The following EVI2A variants were observed in gnomAD, a reference collection of about 807,000 sequenced individuals.
EVI2A encodes protein EVI2A.
Under a neutral mutation model 13.0 loss-of-function variants are expected in EVI2A, and 11 were observed. That is an observed-to-expected ratio of 0.85 (90% CI 0.53 to 1.40). The LOEUF (loss-of-function observed/expected upper bound fraction) is 1.40, where lower values mean the gene tolerates loss of function less well. Ranked by LOEUF, EVI2A falls within the 40% of genes most tolerant of loss-of-function variation. EVI2A has a pLI of 0.00. For synonymous variants in EVI2A, 89 were observed against 98.0 expected, an observed-to-expected ratio of 0.91 and a Z score of 0.54; for missense variants, 267 against 279.5, an observed-to-expected ratio of 0.96 and a Z score of 0.32.
chr17:31,319,091 G>A lies in EVI2A; in HGVS notation c.-10-68C>T. On this transcript the variant is annotated intron_variant, in intron 1 of 1. Coordinates refer to ENST00000462804, the MANE Select transcript of EVI2A (RefSeq NM_014210.4). ...ATGGATCCTAGTTTTGGTAATTGTAGTTAAAAGATAGTGTTGAGATGTTAC... is the reference window on the plus strand; with the variant it reads ...ATGGATCCTAGTTTTGGTAATTGTAATTAAAAGATAGTGTTGAGATGTTAC... 8.8e-6 allele frequency: 13 copies of A among 1,472,356 alleles called. 1 individual carries two copies. In the South Asian group the frequency reaches 1.7e-4, roughly 20 times the overall value. 91.2% of individuals were successfully genotyped at this position (1,472,356 alleles called of 1,614,324 possible).
chr17:31,319,650 G>A (rs867167276), intron 1 of EVI2A, among the ~76,000 whole-genome samples: 14 of 151,124 alleles, frequency 9.3e-5, no homozygotes, highest in Admixed American at 5.9e-4. Flanking sequence ...ATTTGTGAAC[G>A]CAATTTTACT....
rs116486312 is a variant in EVI2A, at chr17:31,316,795, C to T, written c.*1508G>A. Among the ~76,000 whole-genome samples the T allele has an allele frequency of 4.0e-3, 602 of 152,156 alleles. 3 individuals are homozygous for T. Among genetic ancestry groups the T allele is most frequent in the African/African-American group, 0.014 (572 of 41,526 alleles). The stretch of plus-strand genomic sequence containing the variant: ...CTGGAATAATATTGTTATGATTTCT[C>T]GTTTAGAGAATAGATTTGTTTTTTA... On this transcript the variant is annotated 3_prime_UTR_variant, in exon 2 of 2. Coordinates refer to ENST00000462804, the MANE Select transcript of EVI2A (RefSeq NM_014210.4).
rs1036371915 is a variant in EVI2A, at chr17:31,321,583, T to C, written c.-99A>G. On this transcript the variant is annotated 5_prime_UTR_variant, in exon 1 of 2. Transcript: ENST00000462804. ...TCTTCTTTTTAAAGCAGAATAGACTTGGAGAATATGAGCCTTAAAGTAAAT... is the reference window on the plus strand; with the variant it reads ...TCTTCTTTTTAAAGCAGAATAGACTCGGAGAATATGAGCCTTAAAGTAAAT... The C allele has an allele frequency of 6.6e-6, 1 of 152,300 alleles. No individual in the cohort carries two copies. Among genetic ancestry groups the C allele is most frequent in the African/African-American group, 2.4e-5 (1 of 41,574 alleles). 9.4% of individuals were successfully genotyped at this position (152,300 alleles called of 1,614,324 possible).
Position 31,317,973 on chromosome 17 carries a change from T to A in EVI2A, c.*330A>T, listed in dbSNP as rs2151525895. ...AAGTTTAATTACATTCAGACAAAGA[T>A]CATCTAACCACTGTTGCTACATAGG... On this transcript the variant is annotated 3_prime_UTR_variant, in exon 2 of 2. Transcript: ENST00000462804. The A allele has an allele frequency of 4.1e-6, 1 of 244,176 alleles. No individual in the cohort carries two copies. Among genetic ancestry groups the A allele is most frequent in the African/African-American group, 2.3e-5 (1 of 43,642 alleles). The allele number at this position is 244,176 out of a possible 1,614,324, so 15.1% of individuals were successfully genotyped here.
At chr17:31,320,379 AGTATAG>A in intron 1 of EVI2A, 1 of 1,601,814 alleles carries the variant, frequency 6.2e-7, no homozygotes, top group Non-Finnish European at 8.5e-7. Context: ...TTACCTAGCT[AGTATAG>A]GTAGGGCCTG....
At position 31,316,934 on chromosome 17, in the gene EVI2A, C is replaced by T. The variant is rs1027573612; in HGVS notation, c.*1369G>A. Among the ~76,000 whole-genome samples, 19 of 152,006 alleles carry T rather than the reference C, an allele frequency of 1.2e-4. No homozygotes were observed. Among genetic ancestry groups the T allele is most frequent in the East Asian group, 1.9e-4 (1 of 5,186 alleles). On this transcript the variant is annotated 3_prime_UTR_variant, in exon 2 of 2. Transcript: ENST00000462804. ...AGAGCAGTTATCACCTTGAGAGTTACGTAAAAATTACCAATGCTTAGAGTT... is the reference window on the plus strand; with the variant it reads ...AGAGCAGTTATCACCTTGAGAGTTATGTAAAAATTACCAATGCTTAGAGTT...
At position 31,318,552 on chromosome 17, in the gene EVI2A, T is replaced by C. The variant is rs1426834457; in HGVS notation, c.462A>G (p.Leu154=). The C allele has an allele frequency of 6.2e-7, 1 of 1,613,984 alleles. No homozygotes were observed. Among genetic ancestry groups the C allele is most frequent in the African/African-American group, 1.3e-5 (1 of 74,922 alleles). The change falls in exon 2 of 2, where the codon CTA becomes CTG. Residue 154 remains leucine, a synonymous_variant. Coordinates refer to ENST00000462804, the MANE Select transcript of EVI2A (RefSeq NM_014210.4). ...VLFLICTFLF[L]STVVLANKVS... ...CTTTGTTTGCCAAAACCACAGTTGATAGAAATAGAAAGGTACAGATAAGAA... is the reference window on the plus strand; with the variant it reads ...CTTTGTTTGCCAAAACCACAGTTGACAGAAATAGAAAGGTACAGATAAGAA...
chr17:31,319,419 C>T (rs532528164), intron 1 of EVI2A, among the ~76,000 whole-genome samples: 5 of 151,792 alleles, frequency 3.3e-5, no homozygotes, highest in African/African-American at 1.2e-4. Flanking sequence ...AACTACCCAC[C>T]CTCTAACCTG....
Position 31,317,369 on chromosome 17 carries a change from A to ACG in EVI2A, c.*933_*934insCG, listed in dbSNP as rs66803216. ...GAAGTATGCAGTTTTCCAGATTTGA[A>ACG]CACACACACACACACACACACACAC... On this transcript the variant is annotated 3_prime_UTR_variant, in exon 2 of 2. Coordinates refer to ENST00000462804, the MANE Select transcript of EVI2A (RefSeq NM_014210.4). Among the ~76,000 whole-genome samples the ACG allele has an allele frequency of 0.11, 454 of 4,114 alleles. No homozygotes were observed. The highest frequency in any genetic ancestry group is 0.24 in the Non-Finnish European group (341 of 1,400). The allele number at this position is 4,114 out of a possible 152,430, so 2.7% of individuals were successfully genotyped here. A position where few individuals can be genotyped will look rare whatever the true frequency, so the allele number is the denominator to read the frequency against.
At position 31,318,452 on chromosome 17, in the gene EVI2A, G is replaced by A; in HGVS notation, c.562C>T (p.Leu188=). ...CAAGTGTCTGATTCAGCGGGCCATA[G>A]ACCGCTTGCCAGAAAATCGCCATTG... ...RSNGDFLASG[L]WPAESDTWKR... is the part of the protein sequence containing the mutation. The change falls in exon 2 of 2, where the codon CTA becomes TTA. Residue 188 remains leucine, a synonymous_variant. Transcript: ENST00000462804. The A allele has an allele frequency of 1.2e-6, 2 of 1,613,994 alleles. No homozygotes were observed.
At position 31,317,009 on chromosome 17, in the gene EVI2A, T is replaced by G. The variant is rs2069037726; in HGVS notation, c.*1294A>C. 6.6e-6 allele frequency among the ~76,000 whole-genome samples: 1 copy of G among 152,188 alleles called. No individual in the cohort carries two copies. Among genetic ancestry groups the G allele is most frequent in the Admixed American group, 6.5e-5 (1 of 15,270 alleles). The stretch of plus-strand genomic sequence containing the variant: ...GGAAGACATGGGAATTAGGCATTGG[T>G]GTTTTTTAAAAACTCTTCAGGTGAT... On this transcript the variant is annotated 3_prime_UTR_variant, in exon 2 of 2. Transcript: ENST00000462804.
chr17:31,318,772 G>A lies in EVI2A; in HGVS notation c.242C>T (p.Ser81Phe), dbSNP rs1403536582. 13 of 1,613,944 alleles carry A rather than the reference G, an allele frequency of 8.1e-6. No individual in the cohort carries two copies. Among genetic ancestry groups the A allele is most frequent in the Non-Finnish European group, 1.1e-5 (13 of 1,179,992 alleles). The part of the protein sequence containing the change: ...KGNSTNMPET[S>F]HIVALTSKSE... Reference sequence around the variant, plus strand: ...TTTAGAAGTTAAAGCTACGATGTGAGATGTTTCAGGCATGTTTGTAGAATT... The same window carrying A: ...TTTAGAAGTTAAAGCTACGATGTGAAATGTTTCAGGCATGTTTGTAGAATT... The change falls in exon 2 of 2, where the codon TCT (serine) becomes TTT (phenylalanine). Residue 81 changes from serine to phenylalanine, a missense_variant. By Grantham distance (155) the Ser-to-Phe change is radical. Transcript: ENST00000462804.
intron 1 of EVI2A, among the ~76,000 whole-genome samples, chr17:31,319,373 T>TA (rs11295418): frequency 1.6e-3 from 231 of 142,990 alleles, no homozygotes; most frequent in Middle Eastern, 3.5e-3. Context: ...ATTCCTTCTT[T>TA]AAAAAAAAAA....
At position 31,316,820 on chromosome 17, in the gene EVI2A, A is replaced by C. The variant is rs1244423352; in HGVS notation, c.*1483T>G. ...CGTTTAGAGAATAGATTTGTTTTTT[A>C]CAAATTGCTAATAAATTGATAATAA... On this transcript the variant is annotated 3_prime_UTR_variant, in exon 2 of 2. Coordinates refer to ENST00000462804, the MANE Select transcript of EVI2A (RefSeq NM_014210.4). Among the ~76,000 whole-genome samples, 2 of 152,178 alleles carry C rather than the reference A, an allele frequency of 1.3e-5. No homozygotes were observed. Among genetic ancestry groups the C allele is most frequent in the Non-Finnish European group, 2.9e-5 (2 of 68,022 alleles).
Position 31,316,957 on chromosome 17 carries a change from G to T in EVI2A, c.*1346C>A, listed in dbSNP as rs976206892. ...TACGTAAAAATTACCAATGCTTAGA[G>T]TTCACCCCATTCCAGTTGCATCAGA... On this transcript the variant is annotated 3_prime_UTR_variant, in exon 2 of 2. Coordinates refer to ENST00000462804, the MANE Select transcript of EVI2A (RefSeq NM_014210.4). Among the ~76,000 whole-genome samples the T allele has an allele frequency of 5.3e-5, 8 of 152,080 alleles. No homozygotes were observed. Among genetic ancestry groups the T allele is most frequent in the Admixed American group, 4.6e-4 (7 of 15,252 alleles).
At position 31,318,087 on chromosome 17, in the gene EVI2A, A is replaced by G. The variant is rs1168728318; in HGVS notation, c.*216T>C. The G allele has an allele frequency of 4.3e-5, 22 of 510,362 alleles. No individual in the cohort carries two copies. The highest frequency in any genetic ancestry group is 5.6e-5 in the Non-Finnish European group (17 of 304,388). The allele number at this position is 510,362 out of a possible 1,614,324, so 31.6% of individuals were successfully genotyped here. A position where few individuals can be genotyped will look rare whatever the true frequency, so the allele number is the denominator to read the frequency against. ...TTTTCCTCAAATGCTTAGTTATTTTATTATTTGCTTTTTAAAATATTCAGT... is the reference window on the plus strand; with the variant it reads ...TTTTCCTCAAATGCTTAGTTATTTTGTTATTTGCTTTTTAAAATATTCAGT... On this transcript the variant is annotated 3_prime_UTR_variant, in exon 2 of 2. Transcript: ENST00000462804.
At chr17:31,320,345 A>ATTT (rs747605818) in intron 1 of EVI2A, 14 of 977,092 alleles carry the variant, frequency 1.4e-5, no homozygotes, top group South Asian at 2.5e-5. Context: ...CTTTTATTTA[A>ATTT]AAAAAAAAAA....
In EVI2A at chr17:31,318,424, T is replaced by C. The variant is rs756316123; in HGVS notation, c.590A>G (p.Lys197Arg). 12 of 1,614,028 alleles carry C rather than the reference T, an allele frequency of 7.4e-6. No individual in the cohort carries two copies. The highest frequency in any genetic ancestry group is 1.0e-5 in the Non-Finnish European group (12 of 1,180,000). The change falls in exon 2 of 2, where the codon AAA becomes AGA. Residue 197 changes from lysine to arginine, a missense_variant. Coordinates refer to ENST00000462804, the MANE Select transcript of EVI2A (RefSeq NM_014210.4). ...GGGTCCTGTGAGCTGTTTTGTTCTT[T>C]TCCAAGTGTCTGATTCAGCGGGCCA... Reference protein sequence around the residue: ...GLWPAESDTWKRTKQLTGPNL... With the variant: ...GLWPAESDTWRRTKQLTGPNL...
At chr17:31,319,737 T>G (rs2069128851) in intron 1 of EVI2A, among the ~76,000 whole-genome samples, 1 of 142,040 alleles carries the variant, frequency 7.0e-6, no homozygotes, top group Admixed American at 7.2e-5. Context: ...ACCAGTTTTC[T>G]CAACCTAAAA....
Sources: gnomAD v4.1 joint callset for allele counts (sites outside exome capture counted in the v4.1 genomes callset) on GRCh38, gnomAD v4.1.1 for gene constraint, MANE v1.5 for transcripts, NCBI Gene and HGNC (gene_info 2026-07-23, HGNC 2026-07-21) for gene names.